Variants in LRRTM4 observed in about 807,000 individuals in gnomAD.
The protein encoded by LRRTM4 is leucine-rich repeat transmembrane neuronal protein 4.
Under a neutral mutation model 47.6 loss-of-function variants are expected in LRRTM4, and 25 were observed. The ratio of observed to expected loss-of-function variants is 0.53; its 90% CI spans 0.38 to 0.73. The LOEUF (loss-of-function observed/expected upper bound fraction) is 0.73. LRRTM4 is among the 30% of genes least tolerant of loss of function. The pLI, the probability that LRRTM4 is intolerant of heterozygous loss-of-function variation, is 0.00. For synonymous variants in LRRTM4, 311 were observed against 269.5 expected (o/e 1.15, Z -1.51); for missense variants, 638 against 713.4 (o/e 0.89, Z 1.20).
chr2:77,358,019 C>T lies in LRRTM4; in HGVS notation c.1551+160299G>A, dbSNP rs186817878. ...ATATACTGGTTTAGAATCAGGGTTT[C>T]CCTCATCTCATATATACTTAAATCA... On this transcript the variant is annotated intron_variant, in intron 3 of 3. Transcript: ENST00000409884. Among the ~76,000 whole-genome samples the T allele has an allele frequency of 5.7e-3, 860 of 152,162 alleles. 7 individuals are homozygous for T. The highest frequency in any genetic ancestry group is 0.01 in the Non-Finnish European group (701 of 67,980).
chr2:76,843,024 A>G (rs985263604), intron 3 of LRRTM4, among the ~76,000 whole-genome samples: 2 of 152,234 alleles, frequency 1.3e-5, no homozygotes, highest in Non-Finnish European at 2.9e-5. Flanking sequence ...GCTTTGAAAT[A>G]AATGGTAAGG....
intron 3 of LRRTM4, among the ~76,000 whole-genome samples, chr2:77,221,511 A>C (rs1056364439): frequency 6.6e-6 from 1 of 152,186 alleles, no homozygotes; most frequent in Non-Finnish European, 1.5e-5. Context: ...GTGGAGGAAG[A>C]TCTACCAAGC....
intron 3 of LRRTM4, among the ~76,000 whole-genome samples, chr2:76,904,720 A>T (rs1219479585): frequency 6.6e-6 from 1 of 152,228 alleles, no homozygotes; most frequent in East Asian, 1.9e-4. Context: ...CAAACTCCAT[A>T]CACCACCGTC....
intron 3 of LRRTM4, among the ~76,000 whole-genome samples, chr2:77,353,898 T>C (rs1227549269): frequency 2.6e-5 from 4 of 152,132 alleles, no homozygotes; most frequent in Non-Finnish European, 4.4e-5. Flanking sequence ...TGGTGGAAGA[T>C]GGAAGAAAAC....
At chr2:77,132,459 G>C (rs984320382) in intron 3 of LRRTM4, among the ~76,000 whole-genome samples, 1 of 152,168 alleles carries the variant, frequency 6.6e-6, no homozygotes, top group Non-Finnish European at 1.5e-5. Context: ...TAGCATGGTA[G>C]TGCAGGTATC....
chr2:77,088,274 C>T (rs28666378), intron 3 of LRRTM4, among the ~76,000 whole-genome samples: 24,576 of 151,952 alleles, frequency 0.16, 1,985 homozygotes, highest in East Asian at 0.22. Context: ...GTGACTTGCA[C>T]GTATACGCCC....
chr2:77,199,915 T>C lies in LRRTM4; in HGVS notation c.1551+318403A>G, dbSNP rs879326607. On this transcript the variant is annotated intron_variant, in intron 3 of 3. Coordinates refer to ENST00000409884, the MANE Select transcript of LRRTM4 (RefSeq NM_001134745.3). ...GAAGCAACCACATATAGATACATAA[T>C]ACATTTCCATAAAAAGCTCAAAACT... Among the ~76,000 whole-genome samples, 10 of 152,154 alleles carry C rather than the reference T, an allele frequency of 6.6e-5. No homozygotes were observed. In the South Asian group the frequency reaches 1.5e-3, roughly 22 times the overall value.
chr2:76,796,016 T>A (rs1675292713), intron 3 of LRRTM4, among the ~76,000 whole-genome samples: 1 of 132,682 alleles, frequency 7.5e-6, no homozygotes, highest in South Asian at 2.7e-4. Flanking sequence ...GCGCAAGGGG[T>A]CACGGAGTTC....
At position 77,519,957 on chromosome 2, in the gene LRRTM4, T is replaced by C. The variant is rs1679418246; in HGVS notation, c.5-93A>G. The stretch of plus-strand genomic sequence containing the variant: ...AACAACAGGGGCATTTCCTCTAGTG[T>C]AGGAATGGGACAGTTGATTTAAGGA... On this transcript the variant is annotated intron_variant, in intron 2 of 3. Coordinates refer to ENST00000409884, the MANE Select transcript of LRRTM4 (RefSeq NM_001134745.3). This position sits in a 1 kb window ranked among gnomAD's most constrained non-coding sequence, Gnocchi z 4.6. 1 of 1,453,300 alleles carries C rather than the reference T, an allele frequency of 6.9e-7. No homozygotes were observed. The highest frequency in any genetic ancestry group is 1.5e-5 in the South Asian group (1 of 67,870). The allele number at this position is 1,453,300 out of a possible 1,614,324, so 90.0% of individuals were successfully genotyped here. A position where few individuals can be genotyped will look rare whatever the true frequency, so the allele number is the denominator to read the frequency against.
chr2:77,038,910 T>C lies in LRRTM4; in HGVS notation c.1552-289994A>G, dbSNP rs146736679. On this transcript the variant is annotated intron_variant, in intron 3 of 3. Transcript: ENST00000409884. ...GAGTTTAGAGACCAAATTACACTTG[T>C]GGCATTGCTCTTATTATATAGTGGG... Among the ~76,000 whole-genome samples the C allele has an allele frequency of 1.3e-3, 194 of 151,488 alleles. 1 individual carries two copies. The highest frequency in any genetic ancestry group is 0.01 in the Middle Eastern group (3 of 294).
intron 3 of LRRTM4, among the ~76,000 whole-genome samples, chr2:77,442,974 A>G (rs889618336): frequency 6.6e-6 from 1 of 152,156 alleles, no homozygotes; most frequent in Admixed American, 6.5e-5. Context: ...TGCCTGAAAC[A>G]TAATAAGGCT....
chr2:77,035,675 A>G (rs1386638985), intron 3 of LRRTM4, among the ~76,000 whole-genome samples: 1 of 151,872 alleles, frequency 6.6e-6, no homozygotes, highest in Non-Finnish European at 1.5e-5. Context: ...TTCACTCAGC[A>G]TAATTCTCTG....
intron 3 of LRRTM4, among the ~76,000 whole-genome samples, chr2:76,950,865 C>T (rs528954731): frequency 1.1e-4 from 17 of 152,006 alleles, no homozygotes; most frequent in South Asian, 8.3e-4. Flanking sequence ...CTAGAGTTTC[C>T]GAGATGTCAG....
chr2:77,084,136 T>C (rs1680630663), intron 3 of LRRTM4, among the ~76,000 whole-genome samples: 1 of 152,078 alleles, frequency 6.6e-6, no homozygotes, highest in South Asian at 2.1e-4. Flanking sequence ...AAATAAAGTG[T>C]GTAACTAAGG....
chr2:76,782,166 T>C (rs993841219), intron 3 of LRRTM4, among the ~76,000 whole-genome samples: 1 of 152,236 alleles, frequency 6.6e-6, no homozygotes, highest in Non-Finnish European at 1.5e-5. Context: ...AAAGATAAAA[T>C]GGTATTTTGC....
At chr2:76,914,859 A>G (rs1422307579) in intron 3 of LRRTM4, among the ~76,000 whole-genome samples, 1 of 152,228 alleles carries the variant, frequency 6.6e-6, no homozygotes, top group Non-Finnish European at 1.5e-5. Flanking sequence ...TTATTAATAA[A>G]GAGCAAAGGC....
chr2:77,127,124 T>A (rs1671669511), intron 3 of LRRTM4, among the ~76,000 whole-genome samples: 1 of 152,202 alleles, frequency 6.6e-6, no homozygotes, highest in Non-Finnish European at 1.5e-5. Flanking sequence ...ATTTCTAAAA[T>A]TTTTATTTTA....
intron 3 of LRRTM4, among the ~76,000 whole-genome samples, chr2:77,447,780 A>C (rs1676110476): frequency 6.6e-6 from 1 of 152,130 alleles, no homozygotes; most frequent in African/African-American, 2.4e-5. Flanking sequence ...TGCAGAGCAC[A>C]GTGGTTTTTC....
intron 3 of LRRTM4, among the ~76,000 whole-genome samples, chr2:76,843,118 C>G (rs1573198854): frequency 6.6e-6 from 1 of 152,020 alleles, no homozygotes; most frequent in Non-Finnish European, 1.5e-5. Flanking sequence ...AAGTGACAAA[C>G]AGTTGATAGC....
Sources: gnomAD v4.1 joint callset for allele counts (sites outside exome capture counted in the v4.1 genomes callset) on GRCh38, gnomAD v4.1.1 for gene constraint, Gnocchi (gnomAD v3.1) non-coding constraint, MANE v1.5 for transcripts, NCBI Gene and HGNC (gene_info 2026-07-23, HGNC 2026-07-21) for gene names.